SYT9: variants seen among roughly 807,000 people sequenced by gnomAD.
SYT9 encodes the protein synaptotagmin-9.
A neutral mutation model predicts 48.4 loss-of-function variants in SYT9; 22 were observed. That is an observed-to-expected ratio of 0.45 (90% CI 0.32 to 0.65). The LOEUF is 0.65. SYT9 is among the 30% of genes least tolerant of loss of function. The pLI, the probability that SYT9 is intolerant of heterozygous loss-of-function variation, is 0.03. For missense variants in SYT9, 577 were observed against 622.0 expected (o/e 0.93, Z 0.77); for synonymous variants, 265 against 245.0 (o/e 1.08, Z -0.76).
chr11:7,460,971 A>G (rs1369474006), intron 6 of SYT9, among the ~76,000 whole-genome samples: 2 of 152,142 alleles, frequency 1.3e-5, no homozygotes, highest in Non-Finnish European at 2.9e-5. Flanking sequence ...GTGCACAGAC[A>G]TGGGATGGGG....
intron 3 of SYT9, among the ~76,000 whole-genome samples, chr11:7,391,862 G>A (rs1027331657): frequency 2.6e-5 from 4 of 151,580 alleles, no homozygotes; most frequent in African/African-American, 9.7e-5. Context: ...GCTGCAGTGA[G>A]CTATGATTAT....
At chr11:7,323,072 C>T (rs866189892) in intron 3 of SYT9, among the ~76,000 whole-genome samples, 30 of 152,190 alleles carry the variant, frequency 2.0e-4, no homozygotes, top group African/African-American at 7.0e-4. Context: ...TGGTCTACAA[C>T]AATTTATCTT....
At chr11:7,280,582 A>G (rs886322347) in intron 1 of SYT9, among the ~76,000 whole-genome samples, 7 of 152,240 alleles carry the variant, frequency 4.6e-5, no homozygotes, top group Admixed American at 2.0e-4. Context: ...CCTTAACAAA[A>G]TAATAAATAA....
intron 3 of SYT9, among the ~76,000 whole-genome samples, chr11:7,361,058 A>G (rs1039941334): frequency 5.3e-5 from 8 of 152,084 alleles, no homozygotes; most frequent in African/African-American, 1.9e-4. Flanking sequence ...TTTCATTTCT[A>G]ACATTTTTTA....
chr11:7,403,781 A>G (rs1052241065), intron 3 of SYT9, among the ~76,000 whole-genome samples: 2 of 151,972 alleles, frequency 1.3e-5, no homozygotes, highest in Admixed American at 6.6e-5. Context: ...AAAAGAATGT[A>G]TATTCTATTA....
At chr11:7,344,417 C>T (rs987279993) in intron 3 of SYT9, among the ~76,000 whole-genome samples, 4 of 152,254 alleles carry the variant, frequency 2.6e-5, no homozygotes, top group African/African-American at 9.6e-5. Context: ...TCCATTTACT[C>T]AATTTCATCT....
chr11:7,347,683 C>T (rs1444602669), intron 3 of SYT9, among the ~76,000 whole-genome samples: 1 of 152,130 alleles, frequency 6.6e-6, no homozygotes, highest in Admixed American at 6.5e-5. Context: ...GAAAAGGTTT[C>T]CTCTTGTTTC....
At chr11:7,247,409 G>A (rs1342241111), upstream of SYT9, among the ~76,000 whole-genome samples, 1 of 150,958 alleles carries the variant, frequency 6.6e-6, no homozygotes, top group Non-Finnish European at 1.5e-5. Flanking sequence ...TCTCATCCAG[G>A]TCACTATGAA....
chr11:7,329,707 C>G (rs184032445), intron 3 of SYT9, among the ~76,000 whole-genome samples: 1 of 152,172 alleles, frequency 6.6e-6, no homozygotes, highest in Non-Finnish European at 1.5e-5. Flanking sequence ...GCTTTTTCAG[C>G]CTGTATGCTG....
chr11:7,399,824 A>AT (rs1271125090), intron 3 of SYT9, among the ~76,000 whole-genome samples: 1 of 152,216 alleles, frequency 6.6e-6, no homozygotes, highest in Non-Finnish European at 1.5e-5. Flanking sequence ...TCAAGGAGTG[A>AT]TTTTCTTACC....
chr11:7,355,333 C>T (rs1309012894), intron 3 of SYT9, among the ~76,000 whole-genome samples: 1 of 152,184 alleles, frequency 6.6e-6, no homozygotes, highest in Non-Finnish European at 1.5e-5. Flanking sequence ...CCTAGCCTTA[C>T]CTTCTCACCT....
intron 3 of SYT9, among the ~76,000 whole-genome samples, chr11:7,316,390 T>G (rs1849244142): frequency 6.6e-6 from 1 of 152,058 alleles, no homozygotes; most frequent in South Asian, 2.1e-4. Context: ...TATTTTGGCA[T>G]TTTATTGCTC....
rs185147174 is a variant in SYT9 at position 7,343,856 on chromosome 11, G to A, written c.1044+29915G>A. 1.4e-3 allele frequency among the ~76,000 whole-genome samples: 206 copies of A among 152,312 alleles called. 2 individuals are homozygous for A. Among genetic ancestry groups the A allele is most frequent in the Admixed American group, 2.4e-3 (37 of 15,300 alleles). On this transcript the variant is annotated intron_variant, in intron 3 of 6. Coordinates refer to ENST00000318881, the MANE Select transcript of SYT9 (RefSeq NM_175733.4). ...GGAGGCCTCACAATCATGGTGGAAG[G>A]TAAAAGGCATGTCTTACATGGTGGC...
In SYT9 at chr11:7,358,126, G is replaced by A. The variant is rs1055895840; in HGVS notation, c.1044+44185G>A. Among the ~76,000 whole-genome samples the A allele has an allele frequency of 5.3e-5, 8 of 152,092 alleles. 1 individual carries two copies. In the South Asian group the frequency reaches 1.7e-3, roughly 32 times the overall value. On this transcript the variant is annotated intron_variant, in intron 3 of 6. Transcript: ENST00000318881. ...AAGAGGTGATGAGTACTGCGAAGAC[G>A]AAAATGGTATAGAAAGGGTTAAAGA...
chr11:7,277,348 A>C (rs1277395745), intron 1 of SYT9, among the ~76,000 whole-genome samples: 3 of 152,216 alleles, frequency 2.0e-5, no homozygotes, highest in Non-Finnish European at 2.9e-5. Context: ...GTAATCTGCA[A>C]AATGTGAATT....
chr11:7,309,174 C>G (rs73395924), intron 2 of SYT9, among the ~76,000 whole-genome samples: 1 of 152,126 alleles, frequency 6.6e-6, no homozygotes, highest in Non-Finnish European at 1.5e-5. Flanking sequence ...GTTGTTTCTT[C>G]CATGAGAGGA....
chr11:7,418,136 A>G lies in SYT9; in HGVS notation c.1337+8A>G. 2 of 1,612,232 alleles carry G rather than the reference A, an allele frequency of 1.2e-6. No homozygotes were observed. Among genetic ancestry groups the G allele is most frequent in the South Asian group, 2.2e-5 (2 of 90,798 alleles). ...AGTCATGGACTATGACCGGTGAGAT[A>G]CCTGGAACTCTTTTCCAGTGCAAGT... is the stretch of plus-strand genomic sequence containing the variant. On this transcript the variant is annotated splice_region_variant and intron_variant, in intron 5 of 6. Coordinates refer to ENST00000318881, the MANE Select transcript of SYT9 (RefSeq NM_175733.4).
intron 3 of SYT9, among the ~76,000 whole-genome samples, chr11:7,323,348 T>G (rs568056773): frequency 6.6e-6 from 1 of 152,268 alleles, no homozygotes; most frequent in African/African-American, 2.4e-5. Context: ...TTCTAATAAT[T>G]TGACCACAGA....
At chr11:7,396,628 C>T (rs1387426757) in intron 3 of SYT9, among the ~76,000 whole-genome samples, 4 of 152,088 alleles carry the variant, frequency 2.6e-5, no homozygotes, top group African/African-American at 9.7e-5. Flanking sequence ...ATTACTGGGT[C>T]ATTTGACAAG....
Sources: allele counts gnomAD v4.1 joint callset (sites outside exome capture counted in the v4.1 genomes callset), GRCh38; gene constraint gnomAD v4.1.1; transcripts MANE v1.5; gene names NCBI Gene and HGNC (gene_info 2026-07-23, HGNC 2026-07-21).